Variants in GALNT11 observed in about 807,000 individuals in gnomAD.
GALNT11 encodes UDP-GalNAc:polypeptide N-acetylgalactosaminyltransferase 11.
A neutral mutation model predicts 72.7 loss-of-function variants in GALNT11; 47 were observed. The ratio of observed to expected loss-of-function variants is 0.65; its 90% confidence interval spans 0.51 to 0.82. The LOEUF is 0.82. Among genes scored for constraint, GALNT11 ranks in the 40% least tolerant of loss-of-function variants. The pLI, the probability that GALNT11 is intolerant of heterozygous loss-of-function variation, is 0.00. For synonymous variants in GALNT11, 270 were observed against 286.6 expected (o/e 0.94, Z 0.58); for missense variants, 677 against 778.4 (o/e 0.87, Z 1.55).
At chr7:152,035,089 T>C (rs1292337778) in intron 1 of GALNT11, among the ~76,000 whole-genome samples, 1 of 152,194 alleles carries the variant, frequency 6.6e-6, no homozygotes, top group Non-Finnish European at 1.5e-5. Flanking sequence ...TCCGCACTTA[T>C]ATGAATACAA....
intron 1 of GALNT11, among the ~76,000 whole-genome samples, chr7:152,043,335 C>G (rs1309182262): frequency 6.6e-6 from 1 of 152,240 alleles, no homozygotes; most frequent in Non-Finnish European, 1.5e-5. Flanking sequence ...ATTCCCCAGG[C>G]AGAAGGCTCA....
intron 1 of GALNT11, among the ~76,000 whole-genome samples, chr7:152,063,351 C>A (rs929694812): frequency 7.2e-5 from 11 of 152,044 alleles, no homozygotes; most frequent in African/African-American, 2.7e-4. Flanking sequence ...TGATTCTTCT[C>A]TTTTTTCTTC....
intron 1 of GALNT11, among the ~76,000 whole-genome samples, chr7:152,050,569 G>A (rs562637970): frequency 2.0e-5 from 3 of 152,222 alleles, no homozygotes; most frequent in South Asian, 2.1e-4. Context: ...CTGGAGCTGC[G>A]AGCTGCACTG....
intron 1 of GALNT11, among the ~76,000 whole-genome samples, chr7:152,054,382 CTTTT>C: frequency 7.6e-6 from 1 of 131,356 alleles, no homozygotes; most frequent in African/African-American, 2.8e-5. Context: ...GTCTACCTCA[CTTTT>C]TTTTTTTTTT....
chr7:152,113,409 AT>A lies in GALNT11; in HGVS notation c.1233+14del. 1 of 1,612,490 alleles carries A rather than the reference AT, an allele frequency of 6.2e-7. No individual in the cohort carries two copies. The highest frequency in any genetic ancestry group is 8.5e-7 in the Non-Finnish European group (1 of 1,179,328). On this transcript the variant is annotated intron_variant, in intron 8 of 11. Transcript: ENST00000430044. ...TTGGATGAATACAAGGTGAGATGAA[AT>A]TTCTTGTTTAGAAGGATGAATGATA...
At chr7:152,085,895 G>GTT (rs397744068) in intron 1 of GALNT11, among the ~76,000 whole-genome samples, 8 of 139,834 alleles carry the variant, frequency 5.7e-5, no homozygotes, top group East Asian at 4.1e-4. Context: ...TTTGTTTTTT[G>GTT]TTTTTTTTTT....
Position 152,120,824 on chromosome 7 carries a change from T to C in GALNT11, c.1558-7T>C. Reference sequence around the variant, plus strand: ...TATCTAAATTTTATTTTATTTTTCTTCTCTAGATCTGGATCTATAATGAAG... The same window carrying C: ...TATCTAAATTTTATTTTATTTTTCTCCTCTAGATCTGGATCTATAATGAAG... On this transcript the variant is annotated splice_polypyrimidine_tract_variant and splice_region_variant and intron_variant, in intron 10 of 11. Transcript: ENST00000430044. The C allele has an allele frequency of 1.3e-6, 2 of 1,590,556 alleles. No homozygotes were observed. The highest frequency in any genetic ancestry group is 1.7e-6 in the Non-Finnish European group (2 of 1,162,752).
At chr7:152,117,032 G>C in intron 8 of GALNT11, 125 bp from the exon 9 acceptor site, 1 of 844,250 alleles carries the variant, frequency 1.2e-6, no homozygotes, top group Non-Finnish European at 1.9e-6. Context: ...CTCAGATACA[G>C]TTTAAGGTAC....
chr7:152,102,996 A>T, intron 3 of GALNT11, 116 bp from the exon 4 acceptor site: 5 of 933,454 alleles, frequency 5.4e-6, no homozygotes, highest in East Asian at 2.8e-5. Flanking sequence ...AAAAAAAAAA[A>T]GGCAGGGGGT....
intron 6 of GALNT11, 75 bp downstream of exon 6, chr7:152,108,362 T>C (rs1031813009): frequency 9.9e-6 from 15 of 1,521,870 alleles, no homozygotes; most frequent in Admixed American, 2.1e-5. Flanking sequence ...TTAAAGATAA[T>C]TCCTCCTTCT....
chr7:152,061,444 A>T (rs937859240), intron 1 of GALNT11, among the ~76,000 whole-genome samples: 1 of 152,126 alleles, frequency 6.6e-6, no homozygotes, highest in Non-Finnish European at 1.5e-5. Flanking sequence ...CTCTGATGGT[A>T]GTTTCTTTTG....
At chr7:152,088,855 C>G (rs2085821832) in intron 1 of GALNT11, among the ~76,000 whole-genome samples, 1 of 152,206 alleles carries the variant, frequency 6.6e-6, no homozygotes, top group African/African-American at 2.4e-5. Flanking sequence ...AATTTGTAAA[C>G]AGTGCTCCTG....
At chr7:152,116,322 T>A (rs1029197714) in intron 8 of GALNT11, among the ~76,000 whole-genome samples, 5 of 152,042 alleles carry the variant, frequency 3.3e-5, no homozygotes, top group Admixed American at 3.3e-4. Flanking sequence ...ACGATCTCAA[T>A]TCACTGCAAC....
At chr7:152,037,640 C>T (rs778573900) in intron 1 of GALNT11, among the ~76,000 whole-genome samples, 10 of 151,526 alleles carry the variant, frequency 6.6e-5, no homozygotes, top group Non-Finnish European at 1.2e-4. Flanking sequence ...GTCTTTGGTT[C>T]ATTGGTATTT....
At chr7:152,047,804 C>T (rs1206580436) in intron 1 of GALNT11, among the ~76,000 whole-genome samples, 1 of 150,590 alleles carries the variant, frequency 6.6e-6, no homozygotes, top group Non-Finnish European at 1.5e-5. Context: ...ATTTTAACTC[C>T]ATTCCCTGCT....
chr7:152,101,049 T>A, intron 3 of GALNT11, 128 bp downstream of exon 3: 1 of 1,255,614 alleles, frequency 8.0e-7, no homozygotes, highest in Non-Finnish European at 1.1e-6. Flanking sequence ...CTAGGAAACT[T>A]GAGACAGATT....
intron 9 of GALNT11, chr7:152,118,403 G>A (rs1002653849): frequency 8.4e-6 from 3 of 355,886 alleles, no homozygotes; most frequent in African/African-American, 2.2e-5. Flanking sequence ...TTCATCTGCT[G>A]TAGATTAGTA....
At chr7:152,029,424 C>T (rs2082200563) in intron 1 of GALNT11, among the ~76,000 whole-genome samples, 1 of 152,110 alleles carries the variant, frequency 6.6e-6, no homozygotes, top group African/African-American at 2.4e-5. Context: ...CGGACTTGAG[C>T]TTTGAGGGGT....
Position 152,115,709 on chromosome 7 carries a change from A to T in GALNT11, c.1234-1448A>T, listed in dbSNP as rs1044367874. ...ATTCAAGCCCTCAAGTGAAAATTAG[A>T]ATTTTGAAAAACTTACATTTACCGC... On this transcript the variant is annotated intron_variant, in intron 8 of 11. Coordinates refer to ENST00000430044, the MANE Select transcript of GALNT11 (RefSeq NM_022087.4). 2.6e-4 allele frequency among the ~76,000 whole-genome samples: 40 copies of T among 152,248 alleles called. 1 individual carries two copies. Among genetic ancestry groups the T allele is most frequent in the Admixed American group, 2.6e-3 (40 of 15,292 alleles).
Sources: gnomAD v4.1 joint callset for allele counts (sites outside exome capture counted in the v4.1 genomes callset) on GRCh38, gnomAD v4.1.1 for gene constraint, MANE v1.5 for transcripts, NCBI Gene and HGNC (gene_info 2026-07-23, HGNC 2026-07-21) for gene names.